Variants in SPDYE4 observed in about 807,000 individuals in gnomAD.
SPDYE4 encodes speedy/RINGO cell cycle regulator family member E4.
Under a neutral mutation model 37.5 loss-of-function variants are expected in SPDYE4, and 30 were observed. The ratio of observed to expected loss-of-function variants is 0.80; its 90% CI spans 0.60 to 1.09. The LOEUF (loss-of-function observed/expected upper bound fraction) is 1.09. SPDYE4 is among the 50% of genes least tolerant of loss of function. The probability of loss-of-function intolerance (pLI) is 0.00; values close to 1 mark genes in which losing one functional copy is unlikely to be tolerated. For missense variants in SPDYE4, 300 were observed against 307.9 expected (o/e 0.97, Z 0.19); for synonymous variants, 131 against 120.3 (o/e 1.09, Z -0.58).
chr17:8,756,443 A>G lies in SPDYE4; in HGVS notation c.341-7T>C. On this transcript the variant is annotated splice_polypyrimidine_tract_variant and splice_region_variant and intron_variant, in intron 2 of 6. Transcript: ENST00000689094. Reference sequence around the variant, plus strand: ...TTTTGAACGACAGGATCCCCTGTGAAAAGAGAGCCTGTGTCAGGGTGAGAA... The same window carrying G: ...TTTTGAACGACAGGATCCCCTGTGAGAAGAGAGCCTGTGTCAGGGTGAGAA... 6.2e-7 allele frequency: 1 copy of G among 1,613,892 alleles called. No individual in the cohort carries two copies. Among genetic ancestry groups the G allele is most frequent in the Non-Finnish European group, 8.5e-7 (1 of 1,179,818 alleles).
chr17:8,757,413 C>G lies in SPDYE4; in HGVS notation c.189G>C (p.Glu63Asp), dbSNP rs2086782216. The change falls in exon 2 of 7, where the codon GAG (glutamate) becomes GAC (aspartate). Residue 63 changes from glutamate (E) to aspartate (D), a missense_variant. By Grantham distance (45) the Glu-to-Asp change is conservative. Transcript: ENST00000689094. ...RKSEWSDESE[E>D]ELEEELELER... Reference sequence around the variant, plus strand: ...CCAACTCCAGCTCCTCCTCCAGCTCCTCCTCGGATTCGTCTGACCATTCGC... The same window carrying G: ...CCAACTCCAGCTCCTCCTCCAGCTCGTCCTCGGATTCGTCTGACCATTCGC... The G allele has an allele frequency of 6.3e-7, 1 of 1,592,556 alleles. No homozygotes were observed.
intron 6 of SPDYE4, 70 bp downstream of exon 6, chr17:8,753,024 G>A (rs1715763142): frequency 1.6e-6 from 2 of 1,284,290 alleles, no homozygotes; most frequent in Non-Finnish European, 1.1e-6. Context: ...GCTGGATCAA[G>A]CAGTTGAGTT....
In SPDYE4 at chr17:8,753,469, T is replaced by C. The variant is rs1417273287; in HGVS notation, c.506A>G (p.Glu169Gly). The C allele has an allele frequency of 6.2e-7, 1 of 1,613,632 alleles. No individual in the cohort carries two copies. Residue 169 changes from glutamate (E) to glycine (G), a missense_variant, in exon 5 of 7, where the codon GAG (glutamate) becomes GGG (glycine). By Grantham distance (98) the Glu-to-Gly change is moderately conservative. Transcript: ENST00000689094. ...TTGTTTCGGGGCCTGGTTGTCCTCC[T>C]CCATGTCACTGGCCAGGTAGCTGGG... ...FLALYLASDM[E>G]EDNQAPKQDI...
chr17:8,750,250 G>A (rs1447182022), downstream of SPDYE4, among the ~76,000 whole-genome samples: 5 of 152,158 alleles, frequency 3.3e-5, no homozygotes, highest in Non-Finnish European at 5.9e-5. Context: ...TTAGCTGGGC[G>A]TGGTGGCAGG....
intron 4 of SPDYE4, among the ~76,000 whole-genome samples, chr17:8,754,325 CTA>C (rs1407818547): frequency 2.6e-5 from 4 of 152,300 alleles, no homozygotes; most frequent in African/African-American, 9.6e-5. Flanking sequence ...TGGCTCATGT[CTA>C]TAATACCAGC....
At chr17:8,756,283 A>G (rs2086771506) in intron 3 of SPDYE4, 95 bp downstream of exon 3, 3 of 1,161,882 alleles carry the variant, frequency 2.6e-6, no homozygotes, top group Non-Finnish European at 3.8e-6. Context: ...GAGATGGTAG[A>G]GGGAGAGAGG....
At position 8,757,252 on chromosome 17, in the gene SPDYE4, A is replaced by G. The variant is rs1279522857; in HGVS notation, c.340+10T>C. 1 of 1,597,684 alleles carries G rather than the reference A, an allele frequency of 6.3e-7. No individual in the cohort carries two copies. Among genetic ancestry groups the G allele is most frequent in the African/African-American group, 1.3e-5 (1 of 74,498 alleles). On this transcript the variant is annotated intron_variant, in intron 2 of 6. Coordinates refer to ENST00000689094, the MANE Select transcript of SPDYE4 (RefSeq NM_001394956.1). ...CAGGGTTGGAGGTGCTTTTTGGGGT[A>G]TCCTCCTACCAAGGAGCCTGTTGAA...
chr17:8,751,361 CA>C lies in SPDYE4; in HGVS notation c.*920del, dbSNP rs558188741. Among the ~76,000 whole-genome samples the C allele has an allele frequency of 6.6e-6, 1 of 152,084 alleles. No homozygotes were observed. Among genetic ancestry groups the C allele is most frequent in the South Asian group, 2.1e-4 (1 of 4,816 alleles). On this transcript the variant is annotated 3_prime_UTR_variant, in exon 7 of 7. Transcript: ENST00000689094. ...GTAATAATGCCATGCCCATCATTTT[CA>C]AAATAAACAAATAAAATGTATAGTA...
At chr17:8,757,583 C>T (rs1319277962) in intron 1 of SPDYE4, 91 bp from the exon 2 acceptor site, 6 of 1,306,150 alleles carry the variant, frequency 4.6e-6, no homozygotes, top group South Asian at 2.9e-5. Flanking sequence ...CTCTTCCATC[C>T]TCCCAAGCCT....
rs202236200 is a variant in SPDYE4, at chr17:8,753,379, T to C, written c.596A>G (p.Tyr199Cys). The change falls in exon 5 of 7, where the codon TAC becomes TGC. Residue 199 changes from tyrosine to cysteine, a missense_variant. Physicochemically the swap from Tyr to Cys is radical, Grantham distance 194. Transcript: ENST00000689094. ...CCAGCGCATGGAACAGAGGAGCTGG[T>C]ATCGAAGCTTATGGAACAAGGGTCG... ...SQRPLFHKLR[Y>C]QLLCSMRWRT... The C allele has an allele frequency of 1.4e-4, 220 of 1,564,120 alleles. 2 individuals are homozygous for C. The highest frequency in any genetic ancestry group is 1.2e-4 in the Non-Finnish European group (134 of 1,152,818).
Position 8,758,293 on chromosome 17 carries a change from A to C in SPDYE4, c.90T>G (p.Asp30Glu). 6.5e-7 allele frequency: 1 copy of C among 1,546,206 alleles called. No individual in the cohort carries two copies. The highest frequency in any genetic ancestry group is 2.5e-5 in the East Asian group (1 of 40,686). ...TVRSPEVVVDDEVPGPSAPWI... is the reference protein window; with the variant it reads ...TVRSPEVVVDEEVPGPSAPWI... The stretch of plus-strand genomic sequence containing the variant: ...CCTCACCTGATGGTCCTGGCACTTC[A>C]TCATCCACCACCACCTCGGGGGACC... Residue 30 changes from aspartate (D) to glutamate (E), a missense_variant, in exon 1 of 7, where the codon GAT becomes GAG. Physicochemically the swap from Asp to Glu is conservative, Grantham distance 45 (BLOSUM62 2). Coordinates refer to ENST00000689094, the MANE Select transcript of SPDYE4 (RefSeq NM_001394956.1).
At chr17:8,757,582 C>G (rs2151146257) in intron 1 of SPDYE4, 90 bp from the exon 2 acceptor site, 2 of 1,304,598 alleles carry the variant, frequency 1.5e-6, no homozygotes, top group East Asian at 4.7e-5. Context: ...ACTCTTCCAT[C>G]CTCCCAAGCC....
In SPDYE4 at chr17:8,758,497, G is replaced by C. The variant is rs1034654524; in HGVS notation, c.-115C>G. The C allele has an allele frequency of 5.7e-5, 54 of 944,690 alleles. No homozygotes were observed. The East Asian group carries it at 1.5e-3, about 26-fold the overall frequency. The allele number at this position is 944,690 out of a possible 1,614,324, so 58.5% of individuals were successfully genotyped here. Reference sequence around the variant, plus strand: ...AGTGCGTTTCTCTTCTAGAGGCTCGGGAGAAGTTAGGAGTGAAGAGTAGTT... The same window carrying C: ...AGTGCGTTTCTCTTCTAGAGGCTCGCGAGAAGTTAGGAGTGAAGAGTAGTT... On this transcript the variant is annotated 5_prime_UTR_variant, in exon 1 of 7. Transcript: ENST00000689094.
chr17:8,753,155 G>T lies in SPDYE4; in HGVS notation c.697C>A (p.Arg233Ser). The change falls in exon 6 of 7, where the codon CGC (arginine) becomes AGC (serine). Residue 233 changes from arginine (R) to serine (S), a missense_variant. By Grantham distance (110) the Arg-to-Ser change is moderately radical (BLOSUM62 -1). Transcript: ENST00000689094. ...CCGGAGCTCTAGGAAATGAGGGTGC[G>T]ATCTCGGGCCCACACCCAGTGCTCT... ...DPEHWVWARD[R>S]TLIS The T allele has an allele frequency of 6.2e-7, 1 of 1,613,984 alleles. No individual in the cohort carries two copies. The highest frequency in any genetic ancestry group is 8.5e-7 in the Non-Finnish European group (1 of 1,180,002).
At chr17:8,756,604 T>C (rs1249072758) in intron 2 of SPDYE4, among the ~76,000 whole-genome samples, 168 bp from the exon 3 acceptor site, 3 of 152,096 alleles carry the variant, frequency 2.0e-5, no homozygotes, top group African/African-American at 7.2e-5. Flanking sequence ...GGAGGGAGGC[T>C]CCCGCTCTGA....
intron 4 of SPDYE4, 140 bp downstream of exon 4, chr17:8,755,380 C>A: frequency 9.3e-7 from 1 of 1,073,092 alleles, no homozygotes. Flanking sequence ...CTAAGAACAC[C>A]ATAGTATAAT....
chr17:8,751,923 T>C lies in SPDYE4; in HGVS notation c.*359A>G, dbSNP rs2086730946. The stretch of plus-strand genomic sequence containing the variant: ...AATGCTCTGGACTGTGGCAACCAAG[T>C]CCATAGGAAACAGGAACTCCAGCTT... On this transcript the variant is annotated 3_prime_UTR_variant, in exon 7 of 7. Transcript: ENST00000689094. Among the ~76,000 whole-genome samples the C allele has an allele frequency of 6.6e-6, 1 of 152,150 alleles. No homozygotes were observed. Among genetic ancestry groups the C allele is most frequent in the Non-Finnish European group, 1.5e-5 (1 of 68,024 alleles).
rs374358007 is a variant in SPDYE4, at chr17:8,757,381, G to T, written c.221C>A (p.Ala74Asp). 102 of 1,592,984 alleles carry T rather than the reference G, an allele frequency of 6.4e-5. No individual in the cohort carries two copies. Among genetic ancestry groups the T allele is most frequent in the Non-Finnish European group, 8.1e-5 (95 of 1,169,494 alleles). ...ELEEELELERAPEPEDTWVVE... is the reference protein window; with the variant it reads ...ELEEELELERDPEPEDTWVVE... ...CACCCAGGTGTCCTCGGGCTCAGGGGCGCGCTCCAACTCCAGCTCCTCCTC... is the reference window on the plus strand; with the variant it reads ...CACCCAGGTGTCCTCGGGCTCAGGGTCGCGCTCCAACTCCAGCTCCTCCTC... Residue 74 changes from alanine to aspartate, a missense_variant, in exon 2 of 7, where the codon GCC becomes GAC. Coordinates refer to ENST00000689094, the MANE Select transcript of SPDYE4 (RefSeq NM_001394956.1).
chr17:8,757,553 G>A (rs887287052), intron 1 of SPDYE4, 61 bp from the exon 2 acceptor site: 44 of 1,529,782 alleles, frequency 2.9e-5, no homozygotes, highest in Admixed American at 3.8e-5. Flanking sequence ...TAGACGCCCC[G>A]ACCCAGGAAC....
Sources: allele counts gnomAD v4.1 joint callset (sites outside exome capture counted in the v4.1 genomes callset), GRCh38; gene constraint gnomAD v4.1.1; transcripts MANE v1.5; gene names NCBI Gene and HGNC (gene_info 2026-07-23, HGNC 2026-07-21).